FRYL: variants seen among roughly 807,000 people sequenced by gnomAD.
The protein encoded by FRYL is protein furry homolog-like.
In FRYL, 150 loss-of-function variants were observed where a neutral mutation model predicts 351.2. The ratio of observed to expected loss-of-function variants is 0.43; its 90% CI spans 0.37 to 0.49. The LOEUF (loss-of-function observed/expected upper bound fraction) is 0.49. Among genes scored for constraint, FRYL ranks in the 20% least tolerant of loss-of-function variants. FRYL has a pLI of 0.00. For missense variants in FRYL, 3,036 were observed against 3,619.3 expected (o/e 0.84, Z 4.13); for synonymous variants, 1,153 against 1,257.1 (o/e 0.92, Z 1.75).
intron 40 of FRYL, among the ~76,000 whole-genome samples, chr4:48,548,005 T>A (rs1411815545): frequency 1.3e-5 from 2 of 152,082 alleles, no homozygotes; most frequent in Non-Finnish European, 2.9e-5. Context: ...AATTTAGTGA[T>A]CTCTTAAAAA....
rs369859452 is a variant in FRYL, at chr4:48,540,785, G to A, written c.5863C>T (p.Arg1955Trp). The change falls in exon 46 of 64, where the codon CGG becomes TGG. Residue 1955 changes from arginine (R) to tryptophan (W), a missense_variant. Coordinates refer to ENST00000358350, the MANE Select transcript of FRYL (RefSeq NM_015030.2). ...ATTATATCCAGTGTGTTACTCCGCC[G>A]CCGGTCACCTCGTCGGTCACCAATC... ...SLIGDRRGDR[R>W]RSNTLDIMDG... 9.9e-6 allele frequency: 16 copies of A among 1,613,680 alleles called. No individual in the cohort carries two copies. The highest frequency in any genetic ancestry group is 5.3e-5 in the African/African-American group (4 of 74,874).
At chr4:48,583,221 G>A (rs565394835) in intron 19 of FRYL, among the ~76,000 whole-genome samples, 2 of 151,430 alleles carry the variant, frequency 1.3e-5, no homozygotes, top group East Asian at 3.9e-4. Flanking sequence ...GCATGATCTC[G>A]GCTCATTGCA....
At chr4:48,569,394 C>T (rs191705314) in intron 27 of FRYL, among the ~76,000 whole-genome samples, 1 of 152,278 alleles carries the variant, frequency 6.6e-6, no homozygotes, top group Admixed American at 6.5e-5. Flanking sequence ...GCAACCTCCA[C>T]CTCCTGGGTT....
intron 18 of FRYL, 73 bp downstream of exon 18, chr4:48,589,672 A>G (rs2149200583): frequency 7.1e-7 from 1 of 1,405,784 alleles, no homozygotes; most frequent in East Asian, 2.3e-5. Context: ...GTAAGGAGAC[A>G]GGTAAGCAAG....
At chr4:48,640,212 T>C (rs535490570) in intron 3 of FRYL, among the ~76,000 whole-genome samples, 1 of 152,318 alleles carries the variant, frequency 6.6e-6, no homozygotes, top group East Asian at 1.9e-4. Context: ...ACATGGTTGC[T>C]TATAGCAGCT....
intron 3 of FRYL, among the ~76,000 whole-genome samples, chr4:48,675,461 G>T (rs1440547113): frequency 6.6e-6 from 1 of 152,238 alleles, no homozygotes; most frequent in Admixed American, 6.5e-5. Context: ...GCTGGCCCCA[G>T]GCAATGAGGG....
At chr4:48,544,067 TG>T (rs1258565781) in intron 43 of FRYL, 70 bp from the exon 44 acceptor site, 6 of 1,330,352 alleles carry the variant, frequency 4.5e-6, no homozygotes, top group Non-Finnish European at 6.3e-6. Flanking sequence ...TAATCAGAAG[TG>T]AATCATCTTA....
At chr4:48,707,198 T>C (rs1408731965) in intron 2 of FRYL, among the ~76,000 whole-genome samples, 3 of 152,228 alleles carry the variant, frequency 2.0e-5, no homozygotes, top group Non-Finnish European at 4.4e-5. Context: ...TTTTTAATTA[T>C]TTTTATTTGC....
At chr4:48,523,861 G>A (rs550430308) in intron 53 of FRYL, among the ~76,000 whole-genome samples, 2 of 152,162 alleles carry the variant, frequency 1.3e-5, no homozygotes, top group Non-Finnish European at 2.9e-5. Context: ...CAGTTGGTAG[G>A]ATAGCTCTGG....
chr4:48,510,728 A>G (rs1304513494), intron 58 of FRYL, 107 bp downstream of exon 58: 77 of 879,676 alleles, frequency 8.8e-5, no homozygotes, highest in Non-Finnish European at 1.1e-5. Flanking sequence ...CATGTTGAAA[A>G]TACGAACCTT....
chr4:48,548,765 C>T lies in FRYL; in HGVS notation c.4813G>A (p.Asp1605Asn). 1 of 1,610,822 alleles carries T rather than the reference C, an allele frequency of 6.2e-7. No homozygotes were observed. The highest frequency in any genetic ancestry group is 1.1e-5 in the South Asian group (1 of 90,736). The change falls in exon 40 of 64, where the codon GAT (aspartate) becomes AAT (asparagine). Residue 1605 changes from aspartate (D) to asparagine (N), a missense_variant. Coordinates refer to ENST00000358350, the MANE Select transcript of FRYL (RefSeq NM_015030.2). ...TTCACACTATGATCAATGATGAGAT[C>T]AGTCAAAAGGATCACTGCTATGTTA... is the stretch of plus-strand genomic sequence containing the variant. ...RCNIAVILLT[D>N]LIIDHSVKVE...
chr4:48,540,727 G>C lies in FRYL; in HGVS notation c.5921C>G (p.Ala1974Gly). 1.2e-6 allele frequency: 2 copies of C among 1,613,998 alleles called. No individual in the cohort carries two copies. Among genetic ancestry groups the C allele is most frequent in the Non-Finnish European group, 1.7e-6 (2 of 1,179,926 alleles). The change falls in exon 46 of 64, where the codon GCA (alanine) becomes GGA (glycine). Residue 1974 changes from alanine (A) to glycine (G), a missense_variant. Around this residue, in one of 7 missense-constraint regions of FRYL, gnomAD observed 1,987 missense variants for 2,311.7 expected, o/e 0.86. Transcript: ENST00000358350. Reference sequence around the variant, plus strand: ...TAGAGAGGAAAGGCTTCTAGTCCTTGCTAAACTACTGCTATGGTTTATCCG... The same window carrying C: ...TAGAGAGGAAAGGCTTCTAGTCCTTCCTAAACTACTGCTATGGTTTATCCG... ...DGRINHSSSL[A>G]RTRSLSSLRE...
At chr4:48,502,755 TG>T in intron 61 of FRYL, 72 bp downstream of exon 61, 1 of 1,207,242 alleles carries the variant, frequency 8.3e-7, no homozygotes, top group Non-Finnish European at 1.2e-6. Context: ...GGGTCACAAA[TG>T]GACAAATGGC....
chr4:48,776,449 G>C (rs2109439686), intron 1 of FRYL, among the ~76,000 whole-genome samples: 1 of 152,222 alleles, frequency 6.6e-6, no homozygotes, highest in African/African-American at 2.4e-5. Flanking sequence ...TGATTTTCTA[G>C]AATACTGGTG....
chr4:48,766,628 TCA>T (rs2109394414), intron 1 of FRYL, among the ~76,000 whole-genome samples: 1 of 152,268 alleles, frequency 6.6e-6, no homozygotes, highest in East Asian at 1.9e-4. Context: ...GAGAGCAGAC[TCA>T]CAGGATGCAT....
Position 48,707,935 on chromosome 4 carries a change from C to T in FRYL, c.-204+2584G>A, listed in dbSNP as rs182421580. ...TCCTGGGTTCAATTGATTCTCCTGC[C>T]TCAGCCTCCCCAGTAGCTCGGACTA... is the stretch of plus-strand genomic sequence containing the variant. On this transcript the variant is annotated intron_variant, in intron 2 of 63. Coordinates refer to ENST00000358350, the MANE Select transcript of FRYL (RefSeq NM_015030.2). 4.1e-3 allele frequency among the ~76,000 whole-genome samples: 626 copies of T among 151,780 alleles called. 4 individuals are homozygous for T. Among genetic ancestry groups the T allele is most frequent in the Middle Eastern group, 6.8e-3 (2 of 294 alleles).
chr4:48,697,750 T>C (rs1766336855), intron 2 of FRYL, among the ~76,000 whole-genome samples: 1 of 152,150 alleles, frequency 6.6e-6, no homozygotes, highest in African/African-American at 2.4e-5. Flanking sequence ...TGAGCCACCA[T>C]GTCTGGCCCT....
In FRYL at chr4:48,551,552, C is replaced by T. The variant is rs1396166110; in HGVS notation, c.4462G>A (p.Val1488Ile). 4 of 1,611,036 alleles carry T rather than the reference C, an allele frequency of 2.5e-6. No individual in the cohort carries two copies. Among genetic ancestry groups the T allele is most frequent in the East Asian group, 2.2e-5 (1 of 44,808 alleles). The change falls in exon 37 of 64, where the codon GTA becomes ATA. Residue 1488 changes from valine to isoleucine, a missense_variant. By Grantham distance (29) the Val-to-Ile change is conservative. Coordinates refer to ENST00000358350, the MANE Select transcript of FRYL (RefSeq NM_015030.2). ...TCAGGATTGCCATCTGTGGGAGCTACCATTGTATTGCTACTGGAAGTAGTT... is the reference window on the plus strand; with the variant it reads ...TCAGGATTGCCATCTGTGGGAGCTATCATTGTATTGCTACTGGAAGTAGTT... Reference protein sequence around the residue: ...SGTTSSSNTMVAPTDGNPDNK... With the variant: ...SGTTSSSNTMIAPTDGNPDNK...
intron 9 of FRYL, among the ~76,000 whole-genome samples, chr4:48,607,307 C>G (rs1296069215): frequency 1.3e-5 from 2 of 152,044 alleles, no homozygotes; most frequent in African/African-American, 2.4e-5. Context: ...AAAATAACCT[C>G]AAAACATGCT....
Sources: allele counts gnomAD v4.1 joint callset (sites outside exome capture counted in the v4.1 genomes callset), GRCh38; gene constraint gnomAD v4.1.1; regional missense constraint gnomAD v4.1.1; transcripts MANE v1.5; gene names NCBI Gene and HGNC (gene_info 2026-07-23, HGNC 2026-07-21).